PIK3R3: variants seen among roughly 807,000 people sequenced by gnomAD.
PIK3R3 encodes phosphatidylinositol 3-kinase regulatory subunit gamma.
In PIK3R3, 64 loss-of-function variants were observed where a neutral mutation model predicts 62.9. That is an observed-to-expected ratio of 1.02 (90% CI 0.83 to 1.25). The LOEUF (loss-of-function observed/expected upper bound fraction) is 1.25. Ranked by LOEUF, PIK3R3 falls within the 50% of genes most tolerant of loss-of-function variation. The pLI is 0.00. For synonymous variants in PIK3R3, 165 were observed against 189.0 expected (o/e 0.87, Z 1.04); for missense variants, 614 against 561.6 (o/e 1.09, Z -0.94).
chr1:46,069,414 G>A (rs185588892), intron 3 of PIK3R3, among the ~76,000 whole-genome samples: 2 of 151,914 alleles, frequency 1.3e-5, no homozygotes, highest in Admixed American at 6.6e-5. Flanking sequence ...AGCTATTCAG[G>A]AGCCTGAGGC....
chr1:46,044,708 C>T lies in PIK3R3; in HGVS notation c.1188-837G>A, dbSNP rs1647065962. ...TGAGGTCCATCTCAGATACCTTTTC[C>T]ACAAAACCTCCCAATCCGCTCTTTC... is the stretch of plus-strand genomic sequence containing the variant. On this transcript the variant is annotated intron_variant, in intron 9 of 9. Transcript: ENST00000262741. This position sits in a 1 kb window ranked among gnomAD's most constrained non-coding sequence, Gnocchi z 4.2. Among the ~76,000 whole-genome samples, 1 of 152,194 alleles carries T rather than the reference C, an allele frequency of 6.6e-6. No individual in the cohort carries two copies. Among genetic ancestry groups the T allele is most frequent in the South Asian group, 2.1e-4 (1 of 4,826 alleles).
At chr1:46,066,851 C>A in intron 4 of PIK3R3, 60 bp downstream of exon 4, 1 of 1,284,586 alleles carries the variant, frequency 7.8e-7, no homozygotes, top group South Asian at 1.2e-5. Flanking sequence ...TAAATAAAAT[C>A]AAATAAGGCT....
At chr1:46,082,614 C>G (rs549677578) in intron 1 of PIK3R3, among the ~76,000 whole-genome samples, 2 of 152,002 alleles carry the variant, frequency 1.3e-5, no homozygotes, top group African/African-American at 2.4e-5. Flanking sequence ...TATGGCATCA[C>G]GTTGACAATC....
rs1167311029 is a variant in PIK3R3, at chr1:46,066,183, T to C, written c.496-4A>G. 3 of 1,544,688 alleles carry C rather than the reference T, an allele frequency of 1.9e-6. No individual in the cohort carries two copies. Among genetic ancestry groups the C allele is most frequent in the East Asian group, 4.5e-5 (2 of 44,386 alleles). Reference sequence around the variant, plus strand: ...TATCTTCTTTTACCAACTGATCCTATACAGGTAAAGAAAAAAATAAAGAAT... The same window carrying C: ...TATCTTCTTTTACCAACTGATCCTACACAGGTAAAGAAAAAAATAAAGAAT... On this transcript the variant is annotated splice_polypyrimidine_tract_variant and splice_region_variant and intron_variant, in intron 4 of 9. Transcript: ENST00000262741.
Position 46,042,850 on chromosome 1 carries a change from AACAG to A in PIK3R3, c.*819_*822del, listed in dbSNP as rs1471553034. The A allele has an allele frequency of 1.5e-5, 3 of 197,378 alleles. No homozygotes were observed. Among genetic ancestry groups the A allele is most frequent in the Non-Finnish European group, 3.2e-5 (3 of 95,102 alleles). The allele number at this position is 197,378 out of a possible 1,614,324, so 12.2% of individuals were successfully genotyped here. On this transcript the variant is annotated 3_prime_UTR_variant, in exon 10 of 10. Transcript: ENST00000262741. The surrounding 1 kb of genome is among the most constrained non-coding windows in gnomAD (Gnocchi z 4.3). ...AGAATGCTATTCCTCATCTCAGAGA[AACAG>A]GCAGGAAGGACAGAAGGGGTTAGTT... is the stretch of plus-strand genomic sequence containing the variant.
At position 46,071,466 on chromosome 1, in the gene PIK3R3, C is replaced by A. The variant is rs1447915257; in HGVS notation, c.315-4375G>T. On this transcript the variant is annotated intron_variant, in intron 3 of 9. Transcript: ENST00000262741. The stretch of plus-strand genomic sequence containing the variant: ...ATCCCAGCATTTTGGGAGGCCGAGG[C>A]GGGCAGATCACCTGAGGTCAGGAGT... 2.6e-5 allele frequency among the ~76,000 whole-genome samples: 4 copies of A among 151,254 alleles called. No homozygotes were observed. The East Asian group carries it at 5.8e-4, about 22-fold the overall frequency.
Position 46,132,288 on chromosome 1 carries a change from G to A in PIK3R3, c.-336C>T. On this transcript the variant is annotated 5_prime_UTR_variant, in exon 1 of 10. Coordinates refer to ENST00000262741, the MANE Select transcript of PIK3R3 (RefSeq NM_003629.4). ...CTCTCCGGGGAGAAAAGCTCCCACCGCCTCCAAATCTTTCCGCGGAAGCCA... is the reference window on the plus strand; with the variant it reads ...CTCTCCGGGGAGAAAAGCTCCCACCACCTCCAAATCTTTCCGCGGAAGCCA... 9.0e-7 allele frequency: 1 copy of A among 1,112,484 alleles called. No homozygotes were observed. Among genetic ancestry groups the A allele is most frequent in the Non-Finnish European group, 1.1e-6 (1 of 905,928 alleles). 68.9% of individuals were successfully genotyped at this position (1,112,484 alleles called of 1,614,324 possible).
At chr1:46,132,928 G>C (rs936407312), upstream of PIK3R3, 14 of 1,165,726 alleles carry the variant, frequency 1.2e-5, no homozygotes, top group Non-Finnish European at 1.5e-5. Flanking sequence ...GTACGATCCG[G>C]GCGCTGGCCG....
At chr1:46,121,376 A>G (rs1654658594) in intron 1 of PIK3R3, among the ~76,000 whole-genome samples, 1 of 152,244 alleles carries the variant, frequency 6.6e-6, no homozygotes, top group African/African-American at 2.4e-5. Flanking sequence ...CTTAATACAT[A>G]TGTAAGAACA....
chr1:46,084,982 A>G (rs1373235168), intron 1 of PIK3R3, among the ~76,000 whole-genome samples: 1 of 152,154 alleles, frequency 6.6e-6, no homozygotes, highest in African/African-American at 2.4e-5. Flanking sequence ...GAGGAGCTCT[A>G]TATTGAGATG....
At chr1:46,055,172 G>A (rs1039204986) in intron 7 of PIK3R3, among the ~76,000 whole-genome samples, 19 of 148,390 alleles carry the variant, frequency 1.3e-4, no homozygotes, top group Non-Finnish European at 1.9e-4. Flanking sequence ...GCAGTGGCGT[G>A]ATCTCGGCTC....
rs1358235021 is a variant in PIK3R3, at chr1:46,044,128, T to C, written c.1188-257A>G. On this transcript the variant is annotated intron_variant, in intron 9 of 9. Coordinates refer to ENST00000262741, the MANE Select transcript of PIK3R3 (RefSeq NM_003629.4). The surrounding 1 kb of genome is among the most constrained non-coding windows in gnomAD (Gnocchi z 4.2). ...TCTCGCTCTATCACGAAAGCTAGGG[T>C]ACAGTGGCTTGATTACAGCTCACTG... is the stretch of plus-strand genomic sequence containing the variant. Among the ~76,000 whole-genome samples, 1 of 151,332 alleles carries C rather than the reference T, an allele frequency of 6.6e-6. No individual in the cohort carries two copies. Among genetic ancestry groups the C allele is most frequent in the Non-Finnish European group, 1.5e-5 (1 of 67,924 alleles).
chr1:46,049,322 C>T (rs1647196129), intron 7 of PIK3R3, among the ~76,000 whole-genome samples: 1 of 152,178 alleles, frequency 6.6e-6, no homozygotes, highest in Non-Finnish European at 1.5e-5. Flanking sequence ...AACTACCACA[C>T]TTTAAGAAGA....
the PIK3R3 span, among the ~76,000 whole-genome samples, chr1:46,163,672 A>C: frequency 1.3e-5 from 2 of 152,074 alleles, no homozygotes; most frequent in Non-Finnish European, 2.9e-5. Flanking sequence ...TTCCTCCCCC[A>C]AGGAACCATG....
At chr1:46,085,118 A>C (rs1264839756) in intron 1 of PIK3R3, among the ~76,000 whole-genome samples, 1 of 152,226 alleles carries the variant, frequency 6.6e-6, no homozygotes, top group Admixed American at 6.5e-5. Context: ...GCCTCCTTGT[A>C]TCTTGCTGTT....
chr1:46,149,017 AG>A, the PIK3R3 span, among the ~76,000 whole-genome samples: 11 of 152,192 alleles, frequency 7.2e-5, no homozygotes, highest in African/African-American at 2.7e-4. Context: ...CTGATAAAAC[AG>A]GATGCAGTAA....
At chr1:46,139,240 C>G in the PIK3R3 span, among the ~76,000 whole-genome samples, 2 of 152,098 alleles carry the variant, frequency 1.3e-5, no homozygotes, top group Non-Finnish European at 2.9e-5. Context: ...TATTTCTGCC[C>G]TTTATGAACC....
chr1:46,074,286 C>CAAAAAAAA (rs1179172400), intron 3 of PIK3R3, among the ~76,000 whole-genome samples: 8 of 20,832 alleles, frequency 3.8e-4, no homozygotes, highest in Non-Finnish European at 5.2e-4. Flanking sequence ...TAGACTCCGT[C>CAAAAAAAA]AAAAAAAAAA....
intron 5 of PIK3R3, among the ~76,000 whole-genome samples, chr1:46,065,454 A>C (rs913117874): frequency 6.6e-6 from 1 of 152,248 alleles, no homozygotes; most frequent in Admixed American, 6.5e-5. Flanking sequence ...CTTCTTCCTC[A>C]GTAAATCCCC....
Sources: allele counts gnomAD v4.1 joint callset (sites outside exome capture counted in the v4.1 genomes callset), GRCh38; gene constraint gnomAD v4.1.1; non-coding constraint Gnocchi (gnomAD v3.1); transcripts MANE v1.5; gene names NCBI Gene and HGNC (gene_info 2026-07-23, HGNC 2026-07-21).